Variants in CEP135 observed in about 807,000 individuals in gnomAD.
The protein encoded by CEP135 is centrosomal protein 135.
A neutral mutation model predicts 157.3 loss-of-function variants in CEP135; 142 were observed. The ratio of observed to expected loss-of-function variants is 0.90; its 90% CI spans 0.79 to 1.04. The LOEUF is 1.04. CEP135 is among the 50% of genes least tolerant of loss of function. CEP135 has a pLI of 0.00. For synonymous variants in CEP135, 396 were observed against 439.8 expected (o/e 0.90, Z 1.25); for missense variants, 1,317 against 1,309.2 (o/e 1.01, Z -0.09).
intron 11 of CEP135, among the ~76,000 whole-genome samples, chr4:55,976,871 A>C (rs1729240652): frequency 6.6e-6 from 1 of 152,132 alleles, no homozygotes; most frequent in Admixed American, 6.5e-5. Flanking sequence ...GTGCAGTGGC[A>C]TGATCTTGTC....
intron 11 of CEP135, 52 bp downstream of exon 11, chr4:55,975,021 T>G: frequency 7.7e-7 from 1 of 1,302,698 alleles, no homozygotes; most frequent in Non-Finnish European, 1.1e-6. Context: ...GAATAAATTT[T>G]TCTGGTTTAT....
rs1487764104 is a variant in CEP135, at chr4:55,954,218, T to C, written c.307T>C (p.Leu103=). The C allele has an allele frequency of 1.9e-6, 3 of 1,571,222 alleles. No homozygotes were observed. In the South Asian group the frequency reaches 3.6e-5, roughly 19 times the overall value. ...CTTTGAATCTTTTTCATTTTAAGAGTTGAAAACTTCATTGAAGAAATGTGC... is the reference window on the plus strand; with the variant it reads ...CTTTGAATCTTTTTCATTTTAAGAGCTGAAAACTTCATTGAAGAAATGTGC... ...REHSDQHVKE[L]KTSLKKCARE... is the part of the protein sequence containing the mutation. The change falls in exon 4 of 26, where the codon TTG becomes CTG. Residue 103 remains leucine (L), a splice_region_variant and synonymous_variant. Transcript: ENST00000257287.
Position 55,971,329 on chromosome 4 carries a change from A to G in CEP135, c.1170A>G (p.Ser390=). ...ERLSDELLVK[S]DLETVVHQLE... ...TGAGTGATGAACTCCTTGTAAAATC[A>G]GACCTAGAAACTGTTGTTCATCAGC... The change falls in exon 10 of 26, where the codon TCA becomes TCG. Residue 390 remains serine (S), a synonymous_variant. Coordinates refer to ENST00000257287, the MANE Select transcript of CEP135 (RefSeq NM_025009.5). 8 of 1,607,158 alleles carry G rather than the reference A, an allele frequency of 5.0e-6. No homozygotes were observed. The highest frequency in any genetic ancestry group is 6.8e-6 in the Non-Finnish European group (8 of 1,177,102).
intron 15 of CEP135, among the ~76,000 whole-genome samples, chr4:55,996,068 AT>A (rs949643538): frequency 3.3e-5 from 5 of 152,214 alleles, no homozygotes; most frequent in Non-Finnish European, 7.3e-5. Context: ...AGAAAACCAA[AT>A]GTAACTAGTC....
chr4:56,019,266 TC>T, intron 22 of CEP135, 86 bp from the exon 23 acceptor site: 1 of 1,022,228 alleles, frequency 9.8e-7, no homozygotes. Flanking sequence ...GGTGAATAGT[TC>T]CACAGAGCTA....
intron 6 of CEP135, chr4:55,960,604 T>C (rs1728646588): frequency 6.6e-6 from 1 of 152,096 alleles, no homozygotes; most frequent in Non-Finnish European, 1.5e-5. Flanking sequence ...TTAAAGTGTT[T>C]TGAAGATTAG....
chr4:55,976,058 T>A (rs1729202203), intron 11 of CEP135, among the ~76,000 whole-genome samples: 1 of 152,060 alleles, frequency 6.6e-6, no homozygotes, highest in Non-Finnish European at 1.5e-5. Flanking sequence ...GAGACCAGTC[T>A]GGTCAACACA....
At chr4:56,007,778 C>T (rs1331192630) in intron 17 of CEP135, among the ~76,000 whole-genome samples, 1 of 152,084 alleles carries the variant, frequency 6.6e-6, no homozygotes. Flanking sequence ...TGTGAAAATT[C>T]GATTCTGTCA....
intron 2 of CEP135, 86 bp downstream of exon 2, chr4:55,952,329 A>C: frequency 2.5e-6 from 2 of 798,726 alleles, no homozygotes; most frequent in Non-Finnish European, 4.2e-6. Flanking sequence ...TGGTAAAGAA[A>C]AGGGTAGCTT....
chr4:56,011,411 G>A lies in CEP135; in HGVS notation c.2506-1G>A. 1 of 1,591,244 alleles carries A rather than the reference G, an allele frequency of 6.3e-7. No individual in the cohort carries two copies. Among genetic ancestry groups the A allele is most frequent in the Non-Finnish European group, 8.6e-7 (1 of 1,167,826 alleles). On this transcript the variant is annotated splice_acceptor_variant, in intron 19 of 25. Coordinates refer to ENST00000257287, the MANE Select transcript of CEP135 (RefSeq NM_025009.5). LOFTEE classifies it high-confidence loss of function. ...ATTGTCTTTAATTTTCTGATTTGTA[G>A]GAAATCTCATTGGAATTGGAAGCAG...
Position 56,006,798 on chromosome 4 carries a change from C to T in CEP135, c.2281-1529C>T, listed in dbSNP as rs1049368429. On this transcript the variant is annotated intron_variant, in intron 17 of 25. Coordinates refer to ENST00000257287, the MANE Select transcript of CEP135 (RefSeq NM_025009.5). ...TGTCCATTTGGAGAGTTCATGGTCC[C>T]CTGTTTGCTGTTGTTTCTTGCAGAT... Among the ~76,000 whole-genome samples, 6 of 152,044 alleles carry T rather than the reference C, an allele frequency of 3.9e-5. 1 individual carries two copies. Among genetic ancestry groups the T allele is most frequent in the Non-Finnish European group, 8.8e-5 (6 of 68,014 alleles).
At chr4:55,988,562 A>G (rs1333747675) in intron 14 of CEP135, among the ~76,000 whole-genome samples, 1 of 152,080 alleles carries the variant, frequency 6.6e-6, no homozygotes, top group Non-Finnish European at 1.5e-5. Flanking sequence ...TGGGAGGCAG[A>G]GGCAGGAGAA....
chr4:55,994,335 C>T (rs1729892900), intron 15 of CEP135, among the ~76,000 whole-genome samples: 1 of 152,030 alleles, frequency 6.6e-6, no homozygotes, highest in Non-Finnish European at 1.5e-5. Context: ...TTACTTGAGC[C>T]CAGGAATTCA....
intron 7 of CEP135, among the ~76,000 whole-genome samples, chr4:55,964,662 G>C (rs1329720429): frequency 6.6e-6 from 1 of 152,024 alleles, no homozygotes; most frequent in Non-Finnish European, 1.5e-5. Flanking sequence ...AATAAACTCT[G>C]GGCACATGAT....
At chr4:55,949,241 G>A (rs1471011221) in intron 1 of CEP135, among the ~76,000 whole-genome samples, 182 bp downstream of exon 1, 6 of 146,540 alleles carry the variant, frequency 4.1e-5, no homozygotes, top group Non-Finnish European at 7.6e-5. Context: ...CACCCACCCC[G>A]CTCCCACACC....
chr4:55,989,545 C>CA (rs1007730490), intron 14 of CEP135, among the ~76,000 whole-genome samples: 4 of 149,716 alleles, frequency 2.7e-5, no homozygotes, highest in Non-Finnish European at 3.0e-5. Context: ...ACCACATTGG[C>CA]AAAAAAAAAT....
rs777944530 is a variant in CEP135, at chr4:55,954,289, T to G, written c.378T>G (p.His126Gln). The G allele has an allele frequency of 7.4e-6, 12 of 1,610,894 alleles. No homozygotes were observed. In the South Asian group the frequency reaches 1.2e-4, roughly 16 times the overall value. ...AATTTCTGAATAACCAATATGCTCA[T>G]AAACTCAAACTGTTGGAGAAAGAGA... is the stretch of plus-strand genomic sequence containing the variant. ...DLKFLNNQYA[H>Q]KLKLLEKESK... Residue 126 changes from histidine to glutamine, a missense_variant, in exon 4 of 26, where the codon CAT becomes CAG. Coordinates refer to ENST00000257287, the MANE Select transcript of CEP135 (RefSeq NM_025009.5).
chr4:55,968,773 T>C (rs1217924555), intron 8 of CEP135, among the ~76,000 whole-genome samples: 2 of 152,108 alleles, frequency 1.3e-5, no homozygotes, highest in Non-Finnish European at 2.9e-5. Context: ...AATCAGGAAA[T>C]GACAGTGCCA....
intron 4 of CEP135, 118 bp downstream of exon 4, chr4:55,954,501 A>AAG (rs766283908): frequency 6.5e-5 from 52 of 802,984 alleles, no homozygotes; most frequent in Admixed American, 9.3e-5. Context: ...AGTGTTTGAA[A>AAG]ATATATATTG....
Sources: gnomAD v4.1 joint callset for allele counts (sites outside exome capture counted in the v4.1 genomes callset) on GRCh38, gnomAD v4.1.1 for gene constraint, MANE v1.5 for transcripts, NCBI Gene and HGNC (gene_info 2026-07-23, HGNC 2026-07-21) for gene names.